FBL: variants seen among roughly 807,000 people sequenced by gnomAD.
FBL encodes rRNA 2'-O-methyltransferase fibrillarin.
In FBL, 10 loss-of-function variants were observed where a neutral mutation model predicts 42.2. That is an observed-to-expected ratio of 0.24 (90% confidence interval 0.15 to 0.40). The LOEUF is 0.40. Ranked by LOEUF, FBL falls within the 10% of genes least tolerant of loss-of-function variation. The probability of loss-of-function intolerance (pLI) is 1.00; values close to 1 mark genes in which losing one functional copy is unlikely to be tolerated. For synonymous variants in FBL, 165 were observed against 165.4 expected (o/e 1.00, Z 0.02); for missense variants, 351 against 439.2 (o/e 0.80, Z 1.79).
chr19:39,840,070 G>A lies in FBL; in HGVS notation c.378+163C>T, dbSNP rs768589889. 6.6e-6 allele frequency among the ~76,000 whole-genome samples: 1 copy of A among 152,110 alleles called. No individual in the cohort carries two copies. Among genetic ancestry groups the A allele is most frequent in the African/African-American group, 2.4e-5 (1 of 41,406 alleles). On this transcript the variant is annotated intron_variant, in intron 4 of 8. Transcript: ENST00000221801. The surrounding 1 kb of genome is among the most constrained non-coding windows in gnomAD (Gnocchi z 4.5). ...GACTCAGGAGTCTAACTGGAAGGCCGTGGGGAGTCACAGAAGGCGGATGAG... is the reference window on the plus strand; with the variant it reads ...GACTCAGGAGTCTAACTGGAAGGCCATGGGGAGTCACAGAAGGCGGATGAG...
At position 39,840,911 on chromosome 19, in the gene FBL, T is replaced by C; in HGVS notation, c.11-124A>G. ...TGTGCCCGTGTACAGCAGGACACATTTCCAAGAATGTCCACAGCAAAAGAA... is the reference window on the plus strand; with the variant it reads ...TGTGCCCGTGTACAGCAGGACACATCTCCAAGAATGTCCACAGCAAAAGAA... On this transcript the variant is annotated intron_variant, in intron 1 of 8. Coordinates refer to ENST00000221801, the MANE Select transcript of FBL (RefSeq NM_001436.4). This position sits in a 1 kb window ranked among gnomAD's most constrained non-coding sequence, Gnocchi z 4.5. 1.1e-6 allele frequency: 1 copy of C among 909,204 alleles called. No homozygotes were observed. The highest frequency in any genetic ancestry group is 2.6e-5 in the South Asian group (1 of 38,706). 56.3% of individuals were successfully genotyped at this position (909,204 alleles called of 1,614,324 possible). A position where few individuals can be genotyped will look rare whatever the true frequency, so the allele number is the denominator to read the frequency against.
Position 39,840,785 on chromosome 19 carries a change from A to G in FBL, c.13T>C (p.Phe5Leu), listed in dbSNP as rs1599658341. The G allele has an allele frequency of 1.9e-6, 3 of 1,547,802 alleles. No homozygotes were observed. In the East Asian group the frequency reaches 7.1e-5, roughly 36 times the overall value. ...CCAAAGCCACCCCCACGGGGACTGA[A>G]TCCTGTGGGGGAAACAAAACAGGAG... MKPG[F>L]SPRGGGFGGR... The change falls in exon 2 of 9, where the codon TTC (phenylalanine) becomes CTC (leucine). Residue 5 changes from phenylalanine (F) to leucine (L), a missense_variant and splice_region_variant. By Grantham distance (22) the Phe-to-Leu change is conservative. Coordinates refer to ENST00000221801, the MANE Select transcript of FBL (RefSeq NM_001436.4). The surrounding 1 kb of genome is among the most constrained non-coding windows in gnomAD (Gnocchi z 4.5).
At chr19:39,837,598 C>G (rs1347768253) in intron 6 of FBL, 113 bp downstream of exon 6, 2 of 961,936 alleles carry the variant, frequency 2.1e-6, no homozygotes, top group Non-Finnish European at 3.0e-6. Flanking sequence ...CCTGCAGACT[C>G]AAGAGGTCTG....
At chr19:39,842,566 T>C (rs1411648887) in intron 1 of FBL, among the ~76,000 whole-genome samples, 1 of 152,198 alleles carries the variant, frequency 6.6e-6, no homozygotes, top group Non-Finnish European at 1.5e-5. Flanking sequence ...TTTAATCTTC[T>C]ACTCCCTCTA....
Position 39,836,763 on chromosome 19 carries a change from G to A in FBL, c.683-95C>T, listed in dbSNP as rs931521435. ...ATGCCCATCACCAGCAGGTTCCTGG[G>A]AGATTCTCCCTGCCTCCAGTTTCAC... On this transcript the variant is annotated intron_variant, in intron 6 of 8. Transcript: ENST00000221801. 3 of 875,638 alleles carry A rather than the reference G, an allele frequency of 3.4e-6. No individual in the cohort carries two copies. The South Asian group carries it at 5.2e-5, about 15-fold the overall frequency. 54.2% of individuals were successfully genotyped at this position (875,638 alleles called of 1,614,324 possible).
chr19:39,837,615 C>G, intron 6 of FBL, 96 bp downstream of exon 6: 6 of 1,132,768 alleles, frequency 5.3e-6, no homozygotes, highest in Non-Finnish European at 6.2e-6. Context: ...TCTGCTCATC[C>G]ACTCCAACTC....
chr19:39,840,857 T>C lies in FBL; in HGVS notation c.11-70A>G, dbSNP rs941518603. The C allele has an allele frequency of 2.9e-6, 4 of 1,396,018 alleles. No homozygotes were observed. Among genetic ancestry groups the C allele is most frequent in the South Asian group, 3.0e-5 (2 of 66,824 alleles). The allele number at this position is 1,396,018 out of a possible 1,614,324, so 86.5% of individuals were successfully genotyped here. ...GGTTAAACCACCTTGTACCCAGCAA[T>C]ACCTCTCAGGTGAGAAACCTGAAAT... On this transcript the variant is annotated intron_variant, in intron 1 of 8. Transcript: ENST00000221801. The surrounding 1 kb of genome is among the most constrained non-coding windows in gnomAD (Gnocchi z 4.5).
chr19:39,841,001 C>A (rs748925122), intron 1 of FBL, among the ~76,000 whole-genome samples: 3 of 152,212 alleles, frequency 2.0e-5, no homozygotes, highest in Non-Finnish European at 4.4e-5. Context: ...CATTCACAAT[C>A]AAGATCATGA....
chr19:39,842,771 T>C (rs1568542200), intron 1 of FBL, among the ~76,000 whole-genome samples: 1 of 152,180 alleles, frequency 6.6e-6, no homozygotes, highest in Non-Finnish European at 1.5e-5. Flanking sequence ...TTCATTGTTC[T>C]GGGCGCAAGG....
Position 39,840,317 on chromosome 19 carries a change from A to T in FBL, c.294T>A (p.Ile98=). 2 of 1,614,008 alleles carry T rather than the reference A, an allele frequency of 1.2e-6. No homozygotes were observed. Among genetic ancestry groups the T allele is most frequent in the East Asian group, 4.5e-5 (2 of 44,860 alleles). The change falls in exon 4 of 9, where the codon ATT becomes ATA. Residue 98 remains isoleucine, a synonymous_variant. Transcript: ENST00000221801. This position sits in a 1 kb window ranked among gnomAD's most constrained non-coding sequence, Gnocchi z 4.5. ...CCAGTGCATCTTCCTTTCCTCGACA[A>T]ATGAAGACACCTGGGTGAGGGGATC... ...VEPHRHEGVF[I]CRGKEDALVT...
chr19:39,842,227 A>C (rs937443035), intron 1 of FBL, among the ~76,000 whole-genome samples: 4 of 151,946 alleles, frequency 2.6e-5, no homozygotes, highest in African/African-American at 9.7e-5. Flanking sequence ...CTGGGACTAC[A>C]GGCGCCCACC....
At chr19:39,842,395 T>C (rs1315671813) in intron 1 of FBL, among the ~76,000 whole-genome samples, 1 of 152,232 alleles carries the variant, frequency 6.6e-6, no homozygotes, top group African/African-American at 2.4e-5. Flanking sequence ...CTTGCTCATG[T>C]TTTTTGTAAA....
chr19:39,835,684 G>A (rs555761737), intron 7 of FBL, among the ~76,000 whole-genome samples: 1 of 152,214 alleles, frequency 6.6e-6, no homozygotes, highest in South Asian at 2.1e-4. Context: ...CTAGCACTTT[G>A]GGAGCCTGAG....
intron 1 of FBL, among the ~76,000 whole-genome samples, chr19:39,843,284 G>A (rs187158251): frequency 5.6e-4 from 85 of 152,264 alleles, no homozygotes; most frequent in Non-Finnish European, 1.0e-3. Context: ...TAAACCCTGG[G>A]CCCTGCCTCA....
At chr19:39,837,631 G>A (rs938012379) in intron 6 of FBL, 80 bp downstream of exon 6, 26 of 1,313,828 alleles carry the variant, frequency 2.0e-5, no homozygotes, top group African/African-American at 3.1e-5. Flanking sequence ...AACTCCATCC[G>A]AATCAGAGAT....
chr19:39,837,770 G>A lies in FBL; in HGVS notation c.623C>T (p.Thr208Ile), dbSNP rs777672241. 1.3e-5 allele frequency: 21 copies of A among 1,606,614 alleles called. No individual in the cohort carries two copies. The highest frequency in any genetic ancestry group is 1.7e-5 in the Non-Finnish European group (20 of 1,177,050). Residue 208 changes from threonine (T) to isoleucine (I), a missense_variant, in exon 6 of 9, where the codon ACC (threonine) becomes ATC (isoleucine). By Grantham distance (89) the Thr-to-Ile change is moderately conservative. Coordinates refer to ENST00000221801, the MANE Select transcript of FBL (RefSeq NM_001436.4). ...RDLINLAKKR[T>I]NIIPVIEDAR... is the part of the protein sequence containing the mutation. ...ATCCTCGATCACAGGAATGATGTTG[G>A]TCCTCTTCTTGGCCAAGTTAATGAG...
At position 39,837,700 on chromosome 19, in the gene FBL, A is replaced by C. The variant is rs1040685661; in HGVS notation, c.682+11T>G. On this transcript the variant is annotated intron_variant, in intron 6 of 8. Transcript: ENST00000221801. ...GTCCTACCCCACCGGGGCCACCCCC[A>C]GACCCCTCACCGATGAGCATGCGGT... 1.3e-6 allele frequency: 2 copies of C among 1,559,104 alleles called. No homozygotes were observed. The highest frequency in any genetic ancestry group is 2.5e-5 in the South Asian group (2 of 80,304).
chr19:39,846,310 T>A lies in FBL; in HGVS notation c.-10A>T. Reference sequence around the variant, plus strand: ...CCTGACCTGGCTTCATGGCGAGCCCTGGTTTGTGCGGCTCCGGAGTCCGCG... The same window carrying A: ...CCTGACCTGGCTTCATGGCGAGCCCAGGTTTGTGCGGCTCCGGAGTCCGCG... On this transcript the variant is annotated 5_prime_UTR_variant, in exon 1 of 9. Coordinates refer to ENST00000221801, the MANE Select transcript of FBL (RefSeq NM_001436.4). 6.2e-7 allele frequency: 1 copy of A among 1,613,458 alleles called. No homozygotes were observed.
rs199718221 is a variant in FBL at position 39,840,759 on chromosome 19, G to A, written c.39C>T (p.Gly13=). The A allele has an allele frequency of 6.4e-4, 1,011 of 1,568,564 alleles. 23 individuals are homozygous for A. In the Admixed American group the frequency reaches 0.017, roughly 26 times the overall value. ...PGFSPRGGGF[G]GRGGFGDRGG... is the part of the protein sequence containing the mutation. ...CACGGTCACCAAAGCCCCCTCGGCCGCCAAAGCCACCCCCACGGGGACTGA... is the reference window on the plus strand; with the variant it reads ...CACGGTCACCAAAGCCCCCTCGGCCACCAAAGCCACCCCCACGGGGACTGA... Residue 13 remains glycine (G), a synonymous_variant, in exon 2 of 9, where the codon GGC becomes GGT. Coordinates refer to ENST00000221801, the MANE Select transcript of FBL (RefSeq NM_001436.4). This position sits in a 1 kb window ranked among gnomAD's most constrained non-coding sequence, Gnocchi z 4.5.
Sources: gnomAD v4.1 joint callset for allele counts (sites outside exome capture counted in the v4.1 genomes callset) on GRCh38, gnomAD v4.1.1 for gene constraint, Gnocchi (gnomAD v3.1) non-coding constraint, MANE v1.5 for transcripts, NCBI Gene and HGNC (gene_info 2026-07-23, HGNC 2026-07-21) for gene names.